Variants in PTPRG observed in about 807,000 individuals in gnomAD.
PTPRG encodes the protein receptor-type tyrosine-protein phosphatase gamma.
PTPRG carries 102 observed loss-of-function variants against 165.3 expected under a neutral mutation model. That is an observed-to-expected ratio of 0.62 (90% confidence interval 0.53 to 0.73). PTPRG has a LOEUF of 0.73. PTPRG is among the 30% of genes least tolerant of loss of function. The pLI is 0.00. For synonymous variants in PTPRG, 675 were observed against 669.5 expected (o/e 1.01, Z -0.13); for missense variants, 1,866 against 1,861.4 (o/e 1.00, Z -0.05).
intron 5 of PTPRG, among the ~76,000 whole-genome samples, chr3:62,078,642 G>A (rs1341823524): frequency 1.3e-5 from 2 of 152,032 alleles, no homozygotes; most frequent in Non-Finnish European, 2.9e-5. Flanking sequence ...TTAATAAATA[G>A]CATCCGTCAC....
In PTPRG at chr3:61,989,764, G is replaced by T. The variant is rs2040841279; in HGVS notation, c.330G>T (p.Glu110Asp). The change falls in exon 3 of 30, where the codon GAG becomes GAT. Residue 110 changes from glutamate (E) to aspartate (D), a missense_variant. By Grantham distance (45) the Glu-to-Asp change is conservative (BLOSUM62 2). Coordinates refer to ENST00000474889, the MANE Select transcript of PTPRG (RefSeq NM_002841.4). ...TGCAACTCGATGGCTTCGACAATGA[G>T]TCTTCTAACAAAACCTGGATGAAAA... ...QELQLDGFDN[E>D]SSNKTWMKNT... is the part of the protein sequence containing the mutation. The T allele has an allele frequency of 6.2e-7, 1 of 1,614,030 alleles. No homozygotes were observed.
At position 62,052,115 on chromosome 3, in the gene PTPRG, G is replaced by T. The variant is rs59182458; in HGVS notation, c.520-26048G>T. On this transcript the variant is annotated intron_variant, in intron 4 of 29. Coordinates refer to ENST00000474889, the MANE Select transcript of PTPRG (RefSeq NM_002841.4). ...TTTGGTCTATGCTTTTTTGATATAT[G>T]CTTTTATATATGTCTTCTCTCATTA... Among the ~76,000 whole-genome samples, 1,495 of 152,152 alleles carry T rather than the reference G, an allele frequency of 9.8e-3. 20 individuals are homozygous for T. The highest frequency in any genetic ancestry group is 0.034 in the African/African-American group (1,409 of 41,502).
intron 2 of PTPRG, chr3:61,750,285 C>T (rs1371748214): frequency 6.6e-6 from 1 of 152,146 alleles, no homozygotes; most frequent in Non-Finnish European, 1.5e-5. Flanking sequence ...CAGGAGGAGG[C>T]ACAAAGTGGC....
rs1702995930 is a variant in PTPRG, at chr3:62,294,340, C to G, written c.*1033C>G. The stretch of plus-strand genomic sequence containing the variant: ...CTTTGCCAAATGTTTTATAATAAAT[C>G]TCTTAATTACATACATTTTTCTACT... On this transcript the variant is annotated 3_prime_UTR_variant, in exon 30 of 30. Transcript: ENST00000474889. 6.6e-6 allele frequency: 1 copy of G among 152,052 alleles called. No individual in the cohort carries two copies. Among genetic ancestry groups the G allele is most frequent in the South Asian group, 2.1e-4 (1 of 4,820 alleles). 9.4% of individuals were successfully genotyped at this position (152,052 alleles called of 1,614,324 possible). A position where few individuals can be genotyped will look rare whatever the true frequency, so the allele number is the denominator to read the frequency against.
chr3:62,140,162 G>A (rs565707670), intron 6 of PTPRG, among the ~76,000 whole-genome samples: 1 of 152,324 alleles, frequency 6.6e-6, no homozygotes, highest in East Asian at 1.9e-4. Context: ...GGTGCTGCCT[G>A]CACTGTTCCC....
chr3:62,137,104 A>G lies in PTPRG; in HGVS notation c.682+4436A>G, dbSNP rs1010074009. 3.3e-5 allele frequency among the ~76,000 whole-genome samples: 5 copies of G among 152,332 alleles called. No homozygotes were observed. The South Asian group carries it at 1.0e-3, about 32-fold the overall frequency. ...GTCCCATCTATCTACTCATGCAGTG[A>G]TAGATGGAAGCACTAAAAGGTATCT... On this transcript the variant is annotated intron_variant, in intron 6 of 29. Coordinates refer to ENST00000474889, the MANE Select transcript of PTPRG (RefSeq NM_002841.4).
At chr3:61,815,533 G>T (rs1005579330) in intron 2 of PTPRG, among the ~76,000 whole-genome samples, 7 of 152,326 alleles carry the variant, frequency 4.6e-5, no homozygotes, top group African/African-American at 1.7e-4. Flanking sequence ...ATGTCTCAGT[G>T]TCATCTCTCA....
intron 1 of PTPRG, among the ~76,000 whole-genome samples, chr3:61,656,847 C>T (rs866972561): frequency 1.3e-5 from 2 of 152,234 alleles, no homozygotes; most frequent in Middle Eastern, 3.4e-3. Context: ...TATTTTCTTC[C>T]AGCCATATGC....
Position 62,277,654 on chromosome 3 carries a change from T to C in PTPRG, c.3740T>C (p.Val1247Ala), listed in dbSNP as rs1429241156. The change falls in exon 26 of 30, where the codon GTC (valine) becomes GCC (alanine). Residue 1247 changes from valine to alanine, a missense_variant. This residue lies in a region of PTPRG where 1,452 missense variants were observed against 1,463.0 expected (regional missense o/e 0.99). Transcript: ENST00000474889. The stretch of plus-strand genomic sequence containing the variant: ...TGGGATCATAACGCACAGATCATTG[T>C]CATGCTGCCAGACAACCAGAGCTTG... ...MIWDHNAQII[V>A]MLPDNQSLAE... is the part of the protein sequence containing the mutation. 2.5e-6 allele frequency: 4 copies of C among 1,612,626 alleles called. No homozygotes were observed. In the Admixed American group the frequency reaches 5.0e-5, roughly 20 times the overall value.
chr3:61,686,183 G>A (rs1703627371), intron 1 of PTPRG, among the ~76,000 whole-genome samples: 1 of 152,138 alleles, frequency 6.6e-6, no homozygotes, highest in African/African-American at 2.4e-5. Flanking sequence ...TAAATATTAA[G>A]GTTCTCTAGG....
intron 8 of PTPRG, among the ~76,000 whole-genome samples, chr3:62,180,516 G>A (rs913089345): frequency 6.6e-6 from 1 of 152,206 alleles, no homozygotes; most frequent in Non-Finnish European, 1.5e-5. Flanking sequence ...ACGAGGGAAG[G>A]ATGCTGTGCT....
chr3:61,885,373 C>G (rs541927455), intron 2 of PTPRG, among the ~76,000 whole-genome samples: 1 of 151,546 alleles, frequency 6.6e-6, no homozygotes, highest in Non-Finnish European at 1.5e-5. Context: ...ATTATCCATA[C>G]TTCTGCCCCC....
At chr3:62,123,856 A>G (rs965415188) in intron 5 of PTPRG, among the ~76,000 whole-genome samples, 1 of 152,188 alleles carries the variant, frequency 6.6e-6, no homozygotes, top group Non-Finnish European at 1.5e-5. Context: ...TCTGGTATTG[A>G]CACTCCACCT....
In PTPRG at chr3:61,644,484, A is replaced by G. The variant is rs143802580; in HGVS notation, c.85+82112A>G. On this transcript the variant is annotated intron_variant, in intron 1 of 29. Coordinates refer to ENST00000474889, the MANE Select transcript of PTPRG (RefSeq NM_002841.4). ...TTCTGAAGCCCAGTGGGTTTTTGGT[A>G]TATTTTGGGAGATAACTGGTTTGGA... Among the ~76,000 whole-genome samples, 828 of 152,242 alleles carry G rather than the reference A, an allele frequency of 5.4e-3. 7 individuals carry two copies. The highest frequency in any genetic ancestry group is 0.018 in the African/African-American group (758 of 41,554).
intron 2 of PTPRG, among the ~76,000 whole-genome samples, chr3:61,987,207 G>A (rs2040783817): frequency 6.6e-6 from 1 of 152,270 alleles, no homozygotes. Flanking sequence ...CTCCAAAGAA[G>A]AATTAATTTG....
chr3:62,216,356 TTGTAG>T, intron 12 of PTPRG, among the ~76,000 whole-genome samples: 1 of 152,272 alleles, frequency 6.6e-6, no homozygotes, highest in South Asian at 2.1e-4. Flanking sequence ...TTTGCATTCT[TTGTAG>T]CAGCACAGGC....
intron 2 of PTPRG, among the ~76,000 whole-genome samples, chr3:61,781,830 C>T (rs144184505): frequency 5.3e-5 from 8 of 151,062 alleles, no homozygotes; most frequent in East Asian, 3.9e-4. Flanking sequence ...CAGGCTCGAG[C>T]GATCCTCCTG....
intron 1 of PTPRG, among the ~76,000 whole-genome samples, chr3:61,639,214 C>G (rs1009396252): frequency 1.3e-5 from 2 of 152,120 alleles, no homozygotes; most frequent in Non-Finnish European, 2.9e-5. Flanking sequence ...GATCAGATGG[C>G]TATCAATGTA....
At chr3:61,655,547 A>G (rs75224623) in intron 1 of PTPRG, among the ~76,000 whole-genome samples, 1 of 152,286 alleles carries the variant, frequency 6.6e-6, no homozygotes, top group East Asian at 1.9e-4. Flanking sequence ...TCTTGAAGAT[A>G]TGTATCTTCA....
Sources: gnomAD v4.1 joint callset for allele counts (sites outside exome capture counted in the v4.1 genomes callset) on GRCh38, gnomAD v4.1.1 for gene constraint, gnomAD v4.1.1 regional missense constraint, MANE v1.5 for transcripts, NCBI Gene and HGNC (gene_info 2026-07-23, HGNC 2026-07-21) for gene names.